PLVAP: variants seen among roughly 807,000 people sequenced by gnomAD.
PLVAP encodes plasmalemma vesicle-associated protein.
Under a neutral mutation model 43.1 loss-of-function variants are expected in PLVAP, and 34 were observed. That is an observed-to-expected ratio of 0.79 (90% CI 0.60 to 1.05). The LOEUF (loss-of-function observed/expected upper bound fraction) is 1.05. Among genes scored for constraint, PLVAP ranks in the 50% least tolerant of loss-of-function variants. PLVAP has a pLI of 0.00. For missense variants in PLVAP, 574 were observed against 593.4 expected (o/e 0.97, Z 0.34); for synonymous variants, 241 against 237.3 (o/e 1.02, Z -0.14).
In PLVAP at chr19:17,352,303, T is replaced by A. The variant is rs1462084284; in HGVS notation, c.*59A>T. On this transcript the variant is annotated 3_prime_UTR_variant, in exon 6 of 6. Transcript: ENST00000252590. ...GTGTCGGGCGCTGTGAGCATATCCC[T>A]GCATCCTCCGCAAACCGCCGAGTCG... is the stretch of plus-strand genomic sequence containing the variant. The A allele has an allele frequency of 5.9e-5, 95 of 1,607,512 alleles. No homozygotes were observed. Among genetic ancestry groups the A allele is most frequent in the Non-Finnish European group, 3.4e-6 (4 of 1,175,058 alleles).
At chr19:17,367,182 G>T (rs1474619826) in intron 1 of PLVAP, among the ~76,000 whole-genome samples, 1 of 151,482 alleles carries the variant, frequency 6.6e-6, no homozygotes, top group Non-Finnish European at 1.5e-5. Context: ...TGAGCTCAAA[G>T]AATCCAACTG....
chr19:17,368,855 G>C (rs74536269), intron 1 of PLVAP, among the ~76,000 whole-genome samples: 1 of 151,982 alleles, frequency 6.6e-6, no homozygotes, highest in Non-Finnish European at 1.5e-5. Context: ...GTGGGCACCC[G>C]TAATCTCAGC....
At chr19:17,372,081 T>TAAA (rs368346030) in intron 1 of PLVAP, among the ~76,000 whole-genome samples, 1 of 96,958 alleles carries the variant, frequency 1.0e-5, no homozygotes. Flanking sequence ...ACCATGTCTC[T>TAAA]AAAAAAAAAA....
chr19:17,368,657 A>T (rs1334983306), intron 1 of PLVAP, among the ~76,000 whole-genome samples: 1 of 152,158 alleles, frequency 6.6e-6, no homozygotes, highest in Non-Finnish European at 1.5e-5. Context: ...ACACAGGAAG[A>T]AGATGCCACC....
chr19:17,372,678 G>A (rs1256354574), intron 1 of PLVAP, among the ~76,000 whole-genome samples: 5 of 150,374 alleles, frequency 3.3e-5, no homozygotes, highest in South Asian at 2.1e-4. Flanking sequence ...GCATGGTCTC[G>A]ATCTCCTGAC....
In PLVAP at chr19:17,366,100, A is replaced by G. The variant is rs774636014; in HGVS notation, c.465T>C (p.Asp155=). The change falls in exon 2 of 6, where the codon GAT becomes GAC. Residue 155 remains aspartate, a splice_region_variant and synonymous_variant. Transcript: ENST00000252590. ...DQFKDMNKSC[D]ALLFMLNQKV... ...GCTCCCTGCAGCCTTAGCACTCACC[A>G]TCGCAGCTCTTGTTCATGTCCTTGA... 6.8e-6 allele frequency: 11 copies of G among 1,613,968 alleles called. No homozygotes were observed. In the Admixed American group the frequency reaches 1.8e-4, roughly 27 times the overall value.
chr19:17,368,374 A>G (rs2074558681), intron 1 of PLVAP, among the ~76,000 whole-genome samples: 1 of 148,890 alleles, frequency 6.7e-6, no homozygotes, highest in South Asian at 2.1e-4. Flanking sequence ...ACTCGGCCGA[A>G]CTAATTTTTG....
intron 1 of PLVAP, among the ~76,000 whole-genome samples, chr19:17,369,160 T>TA (rs1395926769): frequency 2.0e-5 from 3 of 151,012 alleles, no homozygotes; most frequent in South Asian, 4.2e-4. Context: ...CAACAGTCTT[T>TA]AAAAAAAACC....
At chr19:17,356,107 G>C (rs2074505602) in intron 5 of PLVAP, among the ~76,000 whole-genome samples, 2 of 152,084 alleles carry the variant, frequency 1.3e-5, no homozygotes, top group African/African-American at 4.8e-5. Flanking sequence ...TCAGGAGTTC[G>C]AGACCAGCCT....
intron 1 of PLVAP, among the ~76,000 whole-genome samples, chr19:17,368,984 A>G (rs766427760): frequency 1.1e-4 from 16 of 152,040 alleles, no homozygotes; most frequent in Non-Finnish European, 2.2e-4. Flanking sequence ...CTCCGTCTCA[A>G]AAAAACAAAC....
In PLVAP at chr19:17,365,515, G is replaced by A. The variant is rs1172710892; in HGVS notation, c.950C>T (p.Ala317Val). ...CACCTTCTGTTTCGCCTCCTGACTG[G>A]CCCGCAGGCCCTGCTGGGCTTCCAG... The part of the protein sequence containing the change: ...QKLEAQQGLR[A>V]SQEAKQKVEK... Residue 317 changes from alanine to valine, a missense_variant, in exon 3 of 6, where the codon GCC (alanine) becomes GTC (valine). Physicochemically the swap from Ala to Val is moderately conservative, Grantham distance 64. Transcript: ENST00000252590. The A allele has an allele frequency of 5.6e-6, 9 of 1,612,078 alleles. No individual in the cohort carries two copies. The highest frequency in any genetic ancestry group is 6.8e-6 in the Non-Finnish European group (8 of 1,180,022).
intron 3 of PLVAP, 193 bp from the exon 4 acceptor site, chr19:17,361,025 C>T: frequency 1.8e-6 from 1 of 561,814 alleles, no homozygotes; most frequent in South Asian, 2.2e-5. Context: ...AGCGATTCTC[C>T]TGCCTAAGCC....
intron 3 of PLVAP, among the ~76,000 whole-genome samples, chr19:17,363,902 C>A (rs1238867023): frequency 6.6e-6 from 1 of 151,812 alleles, no homozygotes; most frequent in African/African-American, 2.4e-5. Context: ...GCCACCACAC[C>A]CGGCTAAATT....
intron 5 of PLVAP, among the ~76,000 whole-genome samples, chr19:17,353,356 A>G (rs931548931): frequency 6.6e-6 from 1 of 152,092 alleles, no homozygotes; most frequent in Non-Finnish European, 1.5e-5. Context: ...TTTGTCCCGT[A>G]GTCTGTTCCC....
intron 3 of PLVAP, 65 bp downstream of exon 3, chr19:17,365,221 C>T: frequency 6.8e-7 from 1 of 1,473,812 alleles, no homozygotes; most frequent in Non-Finnish European, 9.1e-7. Flanking sequence ...GTTCAAATCG[C>T]CACCACCCTC....
At chr19:17,352,472 G>A in intron 5 of PLVAP, 104 bp from the exon 6 acceptor site, 2 of 1,332,364 alleles carry the variant, frequency 1.5e-6, no homozygotes, top group East Asian at 2.4e-5. Flanking sequence ...ACAACATCCT[G>A]GGGACCCCGG....
Position 17,365,678 on chromosome 19 carries a change from A to T in PLVAP, c.787T>A (p.Ser263Thr). Residue 263 changes from serine (S) to threonine (T), a missense_variant, in exon 3 of 6, where the codon TCG (serine) becomes ACG (threonine). Ser to Thr is a moderately conservative substitution (Grantham distance 58). Coordinates refer to ENST00000252590, the MANE Select transcript of PLVAP (RefSeq NM_031310.3). ...LGYNLYHPLGSELASIRRACD... is the reference protein window; with the variant it reads ...LGYNLYHPLGTELASIRRACD... ...GCTCTGCGGATGGAGGCCAATTCCGAGCCCAGGGGATGGTAGAGGTTGTAA... is the reference window on the plus strand; with the variant it reads ...GCTCTGCGGATGGAGGCCAATTCCGTGCCCAGGGGATGGTAGAGGTTGTAA... 6.2e-7 allele frequency: 1 copy of T among 1,613,690 alleles called. No homozygotes were observed. The highest frequency in any genetic ancestry group is 8.5e-7 in the Non-Finnish European group (1 of 1,179,964).
Position 17,360,752 on chromosome 19 carries a change from C to A in PLVAP, c.1240+20G>T. 1 of 1,610,968 alleles carries A rather than the reference C, an allele frequency of 6.2e-7. No individual in the cohort carries two copies. The highest frequency in any genetic ancestry group is 8.5e-7 in the Non-Finnish European group (1 of 1,177,190). On this transcript the variant is annotated intron_variant, in intron 4 of 5. Transcript: ENST00000252590. ...GGAAAGGGGCCCCTCCCCTACTTGG[C>A]TCTGTCTTTTGTCACTCACCGATGG...
At chr19:17,355,655 C>A (rs1040827053) in intron 5 of PLVAP, among the ~76,000 whole-genome samples, 2 of 152,026 alleles carry the variant, frequency 1.3e-5, no homozygotes, top group Admixed American at 6.6e-5. Flanking sequence ...CTGCCTTAGC[C>A]TCCCGAGTAG....
Sources: allele counts gnomAD v4.1 joint callset (sites outside exome capture counted in the v4.1 genomes callset), GRCh38; gene constraint gnomAD v4.1.1; transcripts MANE v1.5; gene names NCBI Gene and HGNC (gene_info 2026-07-23, HGNC 2026-07-21).